Variants in ZC3H12B observed in about 807,000 individuals in gnomAD.
ZC3H12B encodes probable ribonuclease ZC3H12B.
ZC3H12B carries 7 observed loss-of-function variants against 43.9 expected under a neutral mutation model. That is an observed-to-expected ratio of 0.16 (90% CI 0.09 to 0.30). The LOEUF is 0.30. ZC3H12B is among the 10% of genes least tolerant of loss of function. ZC3H12B has a pLI of 1.00. For synonymous variants in ZC3H12B, 222 were observed against 241.7 expected (o/e 0.92, Z 0.76); for missense variants, 475 against 670.2 (o/e 0.71, Z 3.22).
chrX:65,412,911 C>T (rs2066920680), intron 3 of ZC3H12B, among the ~76,000 whole-genome samples: 1 of 111,521 alleles, frequency 9.0e-6, no homozygotes, highest in Non-Finnish European at 1.9e-5. Context: ...CACATTTCCA[C>T]CAGCAGTGTT....
At chrX:65,475,218 ACCAC>A (rs2067976469) in intron 3 of ZC3H12B, among the ~76,000 whole-genome samples, 2 of 111,886 alleles carry the variant, frequency 1.8e-5, no homozygotes, top group African/African-American at 6.5e-5. Flanking sequence ...TAAATTATGC[ACCAC>A]CATTACATTG....
the ZC3H12B span, among the ~76,000 whole-genome samples, chrX:65,276,819 G>T: frequency 1.8e-5 from 2 of 111,619 alleles, no homozygotes; most frequent in African/African-American, 3.2e-5. Context: ...AATAATAGGA[G>T]AGTGAGTAAA....
the ZC3H12B span, among the ~76,000 whole-genome samples, chrX:65,308,234 C>T: frequency 9.1e-6 from 1 of 109,396 alleles, no homozygotes; most frequent in Admixed American, 9.8e-5. Context: ...TAAAAGGAAC[C>T]CTCAAAACCA....
chrX:65,120,682 T>C, the ZC3H12B span, among the ~76,000 whole-genome samples: 6 of 111,383 alleles, frequency 5.4e-5, no homozygotes, highest in South Asian at 7.5e-4. Context: ...CTTCCAACAC[T>C]ATGTTGAATA....
At chrX:65,167,703 T>C in the ZC3H12B span, among the ~76,000 whole-genome samples, 3 of 112,087 alleles carry the variant, frequency 2.7e-5, no homozygotes, top group Non-Finnish European at 5.6e-5. Context: ...TTTGTTTGTG[T>C]CCTCTTTTAT....
At chrX:65,234,056 C>CAA in the ZC3H12B span, among the ~76,000 whole-genome samples, 1 of 111,172 alleles carries the variant, frequency 9.0e-6, no homozygotes, top group Admixed American at 9.6e-5. Context: ...CGGACAAAAA[C>CAA]AACACAAACA....
At chrX:65,260,692 T>C in the ZC3H12B span, among the ~76,000 whole-genome samples, 1 of 111,857 alleles carries the variant, frequency 8.9e-6, no homozygotes, top group Non-Finnish European at 1.9e-5. Context: ...GGGAGATTTT[T>C]AAAAATTAAA....
At chrX:65,224,814 G>T in the ZC3H12B span, among the ~76,000 whole-genome samples, 4 of 112,008 alleles carry the variant, frequency 3.6e-5, no homozygotes, top group African/African-American at 6.5e-5. Context: ...TGGCAGCGAG[G>T]CTGGGGGAAG....
the ZC3H12B span, among the ~76,000 whole-genome samples, chrX:65,211,471 A>G: frequency 2.8e-5 from 3 of 106,829 alleles, no homozygotes; most frequent in East Asian, 8.6e-4. Flanking sequence ...TATGCATTAT[A>G]TTGTTTAATC....
At chrX:65,075,326 C>T in the ZC3H12B span, among the ~76,000 whole-genome samples, 3 of 112,286 alleles carry the variant, frequency 2.7e-5, no homozygotes, top group African/African-American at 6.5e-5. Flanking sequence ...CTTGGTCAGA[C>T]CCCAAAAAGC....
chrX:65,153,288 G>A, the ZC3H12B span, among the ~76,000 whole-genome samples: 4 of 111,868 alleles, frequency 3.6e-5, no homozygotes, highest in East Asian at 1.1e-3. Context: ...TCATCAGAGT[G>A]AACAGGCAAC....
At chrX:65,123,061 G>A in the ZC3H12B span, among the ~76,000 whole-genome samples, 8 of 111,980 alleles carry the variant, frequency 7.1e-5, no homozygotes, top group Non-Finnish European at 1.5e-4. Flanking sequence ...TTGGCTGTGG[G>A]TTTGTCATAA....
At chrX:65,248,021 T>C in the ZC3H12B span, among the ~76,000 whole-genome samples, 1 of 106,418 alleles carries the variant, frequency 9.4e-6, no homozygotes, top group Non-Finnish European at 1.9e-5. Flanking sequence ...GTTTGGAAGA[T>C]CAAATAGGCA....
the ZC3H12B span, among the ~76,000 whole-genome samples, chrX:65,316,819 G>A: frequency 5.7e-4 from 63 of 111,437 alleles, no homozygotes; most frequent in Non-Finnish European, 1.5e-4. Context: ...AAGTAAAAGG[G>A]CTAAATAACT....
At chrX:65,142,311 A>T in the ZC3H12B span, among the ~76,000 whole-genome samples, 1 of 112,031 alleles carries the variant, frequency 8.9e-6, no homozygotes, top group African/African-American at 3.2e-5. Flanking sequence ...TTATTTTGAG[A>T]ATTGTCTAGA....
At chrX:65,373,070 T>A (rs144504362) in intron 2 of ZC3H12B, among the ~76,000 whole-genome samples, 5,072 of 111,699 alleles carry the variant, frequency 0.045, 131 homozygotes, top group Non-Finnish European at 0.07. Context: ...AAGAATAATG[T>A]ATCTGAGTCT....
the ZC3H12B span, chrX:65,357,135 G>A: frequency 2.1e-6 from 1 of 484,845 alleles, no homozygotes; most frequent in Non-Finnish European, 3.8e-6. Flanking sequence ...ACTTCACATG[G>A]GGGCTCTGTC....
chrX:65,192,031 T>G, the ZC3H12B span, among the ~76,000 whole-genome samples: 1 of 110,222 alleles, frequency 9.1e-6, no homozygotes, highest in Admixed American at 9.7e-5. Flanking sequence ...AAAGAACATC[T>G]TTATTTCTGC....
intron 2 of ZC3H12B, among the ~76,000 whole-genome samples, chrX:65,385,237 G>A (rs1256820579): frequency 8.9e-6 from 1 of 111,879 alleles, no homozygotes; most frequent in East Asian, 2.8e-4. Context: ...AATTACCTTG[G>A]GCAGTATGGC....
Sources: allele counts gnomAD v4.1 joint callset (sites outside exome capture counted in the v4.1 genomes callset), GRCh38; gene constraint gnomAD v4.1.1; transcripts MANE v1.5; gene names NCBI Gene and HGNC (gene_info 2026-07-23, HGNC 2026-07-21).